The following PDE4DIP variants were observed in gnomAD, a reference collection of about 807,000 sequenced individuals.
The protein encoded by PDE4DIP is myomegalin.
A neutral mutation model predicts 221.4 loss-of-function variants in PDE4DIP; 59 were observed. That is an observed-to-expected ratio of 0.27 (90% CI 0.22 to 0.33). PDE4DIP has a LOEUF of 0.33. PDE4DIP is among the 10% of genes least tolerant of loss of function. The pLI is 1.00. For synonymous variants in PDE4DIP, 404 were observed against 815.9 expected, an observed-to-expected ratio of 0.50 and a Z score of 8.60; for missense variants, 1,036 against 2,154.2, an observed-to-expected ratio of 0.48 and a Z score of 10.28.
chr1:148,982,747 A>G lies in PDE4DIP; in HGVS notation c.2815+1350A>G, dbSNP rs1195078894. 2.6e-5 allele frequency: 4 copies of G among 152,248 alleles called. No individual in the cohort carries two copies. The South Asian group carries it at 6.2e-4, about 24-fold the overall frequency. The allele number at this position is 152,248 out of a possible 1,614,324, so 9.4% of individuals were successfully genotyped here. A position where few individuals can be genotyped will look rare whatever the true frequency, so the allele number is the denominator to read the frequency against. On this transcript the variant is annotated intron_variant, in intron 21 of 43. Transcript: ENST00000369354. ...GAGGCTTTCTAGCACAGTAAATGTG[A>G]CTGAATACCCTTTCTAAACTAAGTG...
At position 148,973,382 on chromosome 1, in the gene PDE4DIP, G is replaced by A. The variant is rs587628259; in HGVS notation, c.2227+790G>A. On this transcript the variant is annotated intron_variant, in intron 16 of 43. Transcript: ENST00000369354. ...CCTGACCTCGTGATCCGCCCTCCTC[G>A]GCCTCCCAAAGTACTGAGATTACAG... Among the ~76,000 whole-genome samples, 14 of 149,392 alleles carry A rather than the reference G, an allele frequency of 9.4e-5. No homozygotes were observed. In the East Asian group the frequency reaches 2.6e-3, roughly 28 times the overall value.
At chr1:148,958,305 C>T (rs1431786371) in intron 5 of PDE4DIP, among the ~76,000 whole-genome samples, 1 of 151,566 alleles carries the variant, frequency 6.6e-6, no homozygotes, top group Non-Finnish European at 1.5e-5. Context: ...CTTTCACCTG[C>T]ACTACCGCAG....
intron 21 of PDE4DIP, chr1:148,981,725 C>T (rs1281704317): frequency 3.6e-6 from 1 of 277,848 alleles, no homozygotes; most frequent in East Asian, 7.5e-5. Context: ...TCCCTAGCCC[C>T]TTCTCGTTCC....
chr1:148,955,229 A>C (rs2054935066), intron 5 of PDE4DIP, among the ~76,000 whole-genome samples: 1 of 152,240 alleles, frequency 6.6e-6, no homozygotes, highest in South Asian at 2.1e-4. Flanking sequence ...GCTTTACAGT[A>C]TTTCTGTGAC....
rs782052420 is a variant in PDE4DIP at position 148,953,947 on chromosome 1, G to T, written c.637-6707G>T. 11 of 1,452,228 alleles carry T rather than the reference G, an allele frequency of 7.6e-6. No individual in the cohort carries two copies. The South Asian group carries it at 1.2e-4, about 16-fold the overall frequency. 90.0% of individuals were successfully genotyped at this position (1,452,228 alleles called of 1,614,324 possible). ...CATAGTGCCTTTCTGATTATAGCTAGCTGGCCTCTGGCTTCACGTGATTTC... is the reference window on the plus strand; with the variant it reads ...CATAGTGCCTTTCTGATTATAGCTATCTGGCCTCTGGCTTCACGTGATTTC... On this transcript the variant is annotated intron_variant, in intron 5 of 43. Coordinates refer to ENST00000369354, the Ensembl canonical transcript of PDE4DIP.
At chr1:148,889,155 A>G (rs1334612681), upstream of PDE4DIP, among the ~76,000 whole-genome samples, 3 of 152,158 alleles carry the variant, frequency 2.0e-5, no homozygotes, top group Non-Finnish European at 2.9e-5. Flanking sequence ...GATATTTGAC[A>G]TGCGGTTACC....
At chr1:148,827,701 T>TTGTGTG (rs68053242) in intron 1 of PDE4DIP, among the ~76,000 whole-genome samples, 7 of 115,032 alleles carry the variant, frequency 6.1e-5, no homozygotes, top group African/African-American at 1.1e-4. Flanking sequence ...GTCTGTGTGC[T>TTGTGTG]TGTGTGTGTG....
chr1:148,934,239 A>G (rs1208671418), intron 4 of PDE4DIP, among the ~76,000 whole-genome samples: 3 of 152,154 alleles, frequency 2.0e-5, no homozygotes, highest in Non-Finnish European at 2.9e-5. Context: ...ATATTGTACA[A>G]TTCTCAGTAT....
intron 1 of PDE4DIP, among the ~76,000 whole-genome samples, chr1:148,923,514 C>T (rs1248246587): frequency 1.4e-5 from 2 of 146,114 alleles, no homozygotes; most frequent in African/African-American, 2.6e-5. Flanking sequence ...TACTCTGTCG[C>T]CCAGGCTGGA....
exon 44 of PDE4DIP, chr1:149,032,979 G>A (rs1487120486): frequency 4.2e-5 from 8 of 188,974 alleles, no homozygotes; most frequent in Middle Eastern, 3.6e-3. Context: ...GATTGTTAAA[G>A]CAAAATGTGT....
intron 21 of PDE4DIP, among the ~76,000 whole-genome samples, chr1:148,987,504 T>A (rs1169373551): frequency 6.6e-5 from 10 of 152,112 alleles, no homozygotes; most frequent in Non-Finnish European, 1.3e-4. Flanking sequence ...CAGAGTGAAA[T>A]TGGGCTGAGA....
intron 5 of PDE4DIP, among the ~76,000 whole-genome samples, chr1:148,958,903 G>A (rs1483354854): frequency 1.3e-5 from 2 of 152,062 alleles, no homozygotes; most frequent in South Asian, 4.2e-4. Flanking sequence ...TAGCCACAGA[G>A]GCCTTTCTCT....
At chr1:148,981,362 G>A (rs370541184) in exon 21 of PDE4DIP, 122 of 1,614,044 alleles carry the variant, frequency 7.6e-5, no homozygotes, top group African/African-American at 5.3e-4. Flanking sequence ...AGCTTGGAGC[G>A]CTTAAACAGG....
intron 21 of PDE4DIP, chr1:148,985,824 G>C (rs1170033152): frequency 3.3e-5 from 5 of 152,058 alleles, no homozygotes; most frequent in African/African-American, 1.2e-4. Flanking sequence ...AGAAAATGTT[G>C]TATTTAAAAT....
At chr1:148,990,334 C>T (rs1553555847) in intron 21 of PDE4DIP, 1 of 985,112 alleles carries the variant, frequency 1.0e-6, no homozygotes, top group African/African-American at 1.7e-5. Context: ...CCCTGTGTGG[C>T]AGTGTCGAGA....
intron 1 of PDE4DIP, among the ~76,000 whole-genome samples, chr1:148,919,684 G>A (rs1663965): frequency 4.0e-5 from 6 of 151,762 alleles, no homozygotes; most frequent in Admixed American, 2.6e-4. Flanking sequence ...AAAAATGAAA[G>A]GTTTTAAAAT....
At chr1:148,966,643 C>T in exon 11 of PDE4DIP, 1 of 1,572,694 alleles carries the variant, frequency 6.4e-7, no homozygotes, top group Non-Finnish European at 8.8e-7. Context: ...CATGATAAAG[C>T]TGTTGCTCTG....
intron 1 of PDE4DIP, among the ~76,000 whole-genome samples, chr1:148,828,921 A>T (rs1337057270): frequency 6.6e-6 from 1 of 151,062 alleles, no homozygotes; most frequent in Non-Finnish European, 1.5e-5. Flanking sequence ...GTAATTATTT[A>T]TTGAATGAAT....
chr1:148,969,614 A>G (rs1464818101), intron 14 of PDE4DIP, among the ~76,000 whole-genome samples: 1 of 151,154 alleles, frequency 6.6e-6, no homozygotes, highest in Non-Finnish European at 1.5e-5. Flanking sequence ...TTAAGAGGGA[A>G]AAAAGATCGC....
Sources: allele counts gnomAD v4.1 joint callset (sites outside exome capture counted in the v4.1 genomes callset), GRCh38; gene constraint gnomAD v4.1.1; transcripts MANE v1.5; gene names NCBI Gene and HGNC (gene_info 2026-07-23, HGNC 2026-07-21).